MAD1L1: variants seen among roughly 807,000 people sequenced by gnomAD.
MAD1L1 encodes the protein mitotic spindle assembly checkpoint protein MAD1.
MAD1L1 carries 95 observed loss-of-function variants against 96.9 expected under a neutral mutation model. The observed-to-expected ratio is 0.98, with a 90% CI of 0.83 to 1.16. The LOEUF (loss-of-function observed/expected upper bound fraction) is 1.16. MAD1L1 is among the 50% of genes most tolerant of loss of function. MAD1L1 has a pLI of 0.00. For missense variants in MAD1L1, 1,007 were observed against 954.4 expected, an observed-to-expected ratio of 1.06 and a Z score of -0.73; for synonymous variants, 473 against 396.6, an observed-to-expected ratio of 1.19 and a Z score of -2.29.
chr7:2,115,742 T>C (rs1787654018), intron 11 of MAD1L1, among the ~76,000 whole-genome samples: 1 of 152,250 alleles, frequency 6.6e-6, no homozygotes, highest in South Asian at 2.1e-4. Context: ...AGGTCAGGAC[T>C]ATTCCTGGCC....
At chr7:2,083,779 A>C (rs572161410) in intron 11 of MAD1L1, among the ~76,000 whole-genome samples, 3 of 152,228 alleles carry the variant, frequency 2.0e-5, no homozygotes, top group Non-Finnish European at 4.4e-5. Flanking sequence ...AGCACGTGGG[A>C]AGAAACAGAT....
chr7:1,954,212 A>G (rs998296987), intron 16 of MAD1L1, among the ~76,000 whole-genome samples: 1 of 152,148 alleles, frequency 6.6e-6, no homozygotes, highest in African/African-American at 2.4e-5. Context: ...GGCCTGGTTC[A>G]CCAGGTATGT....
chr7:2,195,969 T>A (rs888758151), intron 10 of MAD1L1, among the ~76,000 whole-genome samples: 1 of 152,236 alleles, frequency 6.6e-6, no homozygotes, highest in Non-Finnish European at 1.5e-5. Context: ...CCCAACAGAA[T>A]CCTTTCAGTG....
chr7:1,934,887 G>C (rs1320508707), intron 17 of MAD1L1, among the ~76,000 whole-genome samples: 2 of 151,564 alleles, frequency 1.3e-5, no homozygotes, highest in Admixed American at 1.3e-4. Flanking sequence ...GGGCGAACCC[G>C]AGACGGGCAG....
chr7:2,130,628 T>C (rs1020761638), intron 11 of MAD1L1, among the ~76,000 whole-genome samples: 1 of 146,696 alleles, frequency 6.8e-6, no homozygotes, highest in Admixed American at 6.6e-5. Flanking sequence ...CAGTTTATTA[T>C]GCCAGGGGGA....
At chr7:2,155,723 C>T (rs1328113331) in intron 10 of MAD1L1, among the ~76,000 whole-genome samples, 1 of 152,238 alleles carries the variant, frequency 6.6e-6, no homozygotes, top group East Asian at 1.9e-4. Context: ...ACCTGGGCTG[C>T]TTTCACCTTT....
At chr7:2,211,445 C>A (rs925040025) in intron 10 of MAD1L1, among the ~76,000 whole-genome samples, 2 of 152,250 alleles carry the variant, frequency 1.3e-5, no homozygotes, top group Admixed American at 1.3e-4. Flanking sequence ...GCCCGACTGA[C>A]ACCCAGTGCT....
intron 18 of MAD1L1, among the ~76,000 whole-genome samples, chr7:1,822,442 A>ATATATATT (rs768089526): frequency 1.8e-4 from 26 of 140,584 alleles, no homozygotes; most frequent in Non-Finnish European, 2.8e-4. Flanking sequence ...ATATATATAT[A>ATATATATT]TTTTTTTTTT....
intron 18 of MAD1L1, among the ~76,000 whole-genome samples, chr7:1,882,689 G>A (rs1785760039): frequency 6.6e-6 from 1 of 152,208 alleles, no homozygotes; most frequent in Non-Finnish European, 1.5e-5. Flanking sequence ...AGGCTGCTGG[G>A]TGGGCATGAC....
intron 18 of MAD1L1, among the ~76,000 whole-genome samples, chr7:1,888,979 G>A (rs1173730822): frequency 1.3e-5 from 2 of 152,250 alleles, no homozygotes; most frequent in Non-Finnish European, 2.9e-5. Flanking sequence ...CTGACCTGCA[G>A]ATCCTCGTGG....
intron 18 of MAD1L1, among the ~76,000 whole-genome samples, chr7:1,837,474 T>C (rs894859221): frequency 6.6e-6 from 1 of 152,170 alleles, no homozygotes; most frequent in Non-Finnish European, 1.5e-5. Flanking sequence ...GAAATAAATG[T>C]CCGTGCAAAG....
Position 1,980,494 on chromosome 7 carries a change from T to C in MAD1L1, c.1464A>G (p.Glu488=), listed in dbSNP as rs375046025. 2 of 1,601,502 alleles carry C rather than the reference T, an allele frequency of 1.2e-6. No individual in the cohort carries two copies. Among genetic ancestry groups the C allele is most frequent in the African/African-American group, 2.9e-5 (2 of 69,756 alleles). Residue 488 remains glutamate, a synonymous_variant, in exon 15 of 19, where the codon GAA becomes GAG. Coordinates refer to ENST00000265854, the MANE Select transcript of MAD1L1 (RefSeq NM_001013836.2). ...KMLKSQSSSA[E]QSFLFSREEA... is the part of the protein sequence containing the mutation. ...CCTCCCTGGAGAACAGGAAGCTCTG[T>C]TCGGCAGAGCTGGACTGAGACTTCA... is the stretch of plus-strand genomic sequence containing the variant.
chr7:2,034,920 G>T (rs566484259), intron 12 of MAD1L1, among the ~76,000 whole-genome samples: 1 of 152,234 alleles, frequency 6.6e-6, no homozygotes, highest in African/African-American at 2.4e-5. Flanking sequence ...AAAGAGGGCT[G>T]CATGTTTTAA....
chr7:2,101,296 T>C (rs1786771025), intron 11 of MAD1L1, among the ~76,000 whole-genome samples: 11 of 109,994 alleles, frequency 1.0e-4, no homozygotes, highest in South Asian at 3.1e-4. Flanking sequence ...TCCTAAAGGG[T>C]CTCCATTCAG....
At chr7:2,162,192 T>C (rs1790182904) in intron 10 of MAD1L1, among the ~76,000 whole-genome samples, 1 of 149,804 alleles carries the variant, frequency 6.7e-6, no homozygotes, top group Non-Finnish European at 1.5e-5. Flanking sequence ...ATTGTTACTG[T>C]GTCTGTGTAG....
chr7:2,096,820 C>A (rs1383117128), intron 11 of MAD1L1, among the ~76,000 whole-genome samples: 1 of 152,130 alleles, frequency 6.6e-6, no homozygotes, highest in African/African-American at 2.4e-5. Context: ...AGGCTGGGGG[C>A]ACAGACCCAT....
At chr7:1,995,108 C>A (rs561259199) in intron 14 of MAD1L1, among the ~76,000 whole-genome samples, 36 of 152,360 alleles carry the variant, frequency 2.4e-4, no homozygotes, top group African/African-American at 8.4e-4. Flanking sequence ...CAAATGCTTG[C>A]TGAATTAGAC....
chr7:2,124,864 C>T (rs1370205194), intron 11 of MAD1L1, among the ~76,000 whole-genome samples: 1 of 152,192 alleles, frequency 6.6e-6, no homozygotes, highest in Non-Finnish European at 1.5e-5. Context: ...GACGCAGGGG[C>T]TCGGCCAGTG....
rs73041798 is a variant in MAD1L1 at position 1,996,095 on chromosome 7, A to G, written c.1416+5970T>C. 4.6e-3 allele frequency among the ~76,000 whole-genome samples: 707 copies of G among 152,242 alleles called. 7 individuals carry two copies. The highest frequency in any genetic ancestry group is 8.9e-3 in the South Asian group (43 of 4,822). On this transcript the variant is annotated intron_variant, in intron 14 of 18. Coordinates refer to ENST00000265854, the MANE Select transcript of MAD1L1 (RefSeq NM_001013836.2). Reference sequence around the variant, plus strand: ...CAGCACCAGTGAAGATAGAGGCACCAGCCACGCCTCCCGTGTGTGCCGGGC... The same window carrying G: ...CAGCACCAGTGAAGATAGAGGCACCGGCCACGCCTCCCGTGTGTGCCGGGC...
Sources: allele counts gnomAD v4.1 joint callset (sites outside exome capture counted in the v4.1 genomes callset), GRCh38; gene constraint gnomAD v4.1.1; transcripts MANE v1.5; gene names NCBI Gene and HGNC (gene_info 2026-07-23, HGNC 2026-07-21).